The following PRKCE variants were observed in gnomAD, a reference collection of about 807,000 sequenced individuals.
The protein encoded by PRKCE is protein kinase C epsilon, also known as protein kinase C epsilon type.
PRKCE carries 16 observed loss-of-function variants against 85.4 expected under a neutral mutation model. The ratio of observed to expected loss-of-function variants is 0.19; its 90% CI spans 0.13 to 0.28. PRKCE has a LOEUF of 0.28. PRKCE is among the 10% of genes least tolerant of loss of function. PRKCE has a pLI of 1.00. For synonymous variants in PRKCE, 388 were observed against 371.5 expected, an observed-to-expected ratio of 1.04 and a Z score of -0.51; for missense variants, 573 against 975.2, an observed-to-expected ratio of 0.59 and a Z score of 5.49.
Position 46,086,316 on chromosome 2 carries a change from G to A in PRKCE, c.1546G>A (p.Val516Ile), listed in dbSNP as rs764641910. ...TCGTTCACGGTTCTATGCTGCAGAGGTCACATCGGCCCTCATGTTCCTCCA... is the reference window on the plus strand; with the variant it reads ...TCGTTCACGGTTCTATGCTGCAGAGATCACATCGGCCCTCATGTTCCTCCA... ...EPRSRFYAAE[V>I]TSALMFLHQH... The change falls in exon 11 of 15, where the codon GTC (valine) becomes ATC (isoleucine). Residue 516 changes from valine to isoleucine, a missense_variant. By Grantham distance (29) the Val-to-Ile change is conservative. Transcript: ENST00000306156. 1.9e-6 allele frequency: 3 copies of A among 1,599,644 alleles called. No homozygotes were observed. The South Asian group carries it at 3.3e-5, about 18-fold the overall frequency.
chr2:46,079,896 G>A (rs1278459504), intron 10 of PRKCE, among the ~76,000 whole-genome samples: 1 of 152,162 alleles, frequency 6.6e-6, no homozygotes, highest in African/African-American at 2.4e-5. Context: ...CAGCCAGTAG[G>A]TCATTATGAA....
intron 2 of PRKCE, among the ~76,000 whole-genome samples, chr2:45,854,422 C>T (rs1183611051): frequency 6.6e-6 from 1 of 152,174 alleles, no homozygotes; most frequent in African/African-American, 2.4e-5. Context: ...CTCAATAGCC[C>T]TGGGCACAAG....
In PRKCE at chr2:45,791,859, G is replaced by A. The variant is rs182012909; in HGVS notation, c.349-51141G>A. ...CCCCAGCTCTCTCAATGAGAATCCC[G>A]GTTCAAATACATTTGACCCACAGGA... On this transcript the variant is annotated intron_variant, in intron 1 of 14. Coordinates refer to ENST00000306156, the MANE Select transcript of PRKCE (RefSeq NM_005400.3). 2.4e-4 allele frequency among the ~76,000 whole-genome samples: 36 copies of A among 152,220 alleles called. 1 individual carries two copies. Among genetic ancestry groups the A allele is most frequent in the East Asian group, 3.9e-4 (2 of 5,166 alleles).
intron 14 of PRKCE, among the ~76,000 whole-genome samples, chr2:46,171,581 C>T (rs1678904593): frequency 6.6e-6 from 1 of 152,208 alleles, no homozygotes; most frequent in Admixed American, 6.5e-5. Context: ...AGTCCTGACC[C>T]CACCTCTTGC....
intron 14 of PRKCE, among the ~76,000 whole-genome samples, chr2:46,169,043 C>G (rs1039789911): frequency 4.4e-4 from 67 of 152,316 alleles, no homozygotes; most frequent in African/African-American, 1.4e-3. Flanking sequence ...GCTCAGCCCT[C>G]CAGCCAGAAT....
intron 2 of PRKCE, among the ~76,000 whole-genome samples, chr2:45,883,079 C>G (rs1694998831): frequency 6.6e-6 from 1 of 152,238 alleles, no homozygotes; most frequent in Non-Finnish European, 1.5e-5. Context: ...AAAAAGCCTT[C>G]TATCTTCAAA....
At chr2:45,942,058 G>T (rs1256421620) in intron 2 of PRKCE, among the ~76,000 whole-genome samples, 1 of 152,192 alleles carries the variant, frequency 6.6e-6, no homozygotes, top group Non-Finnish European at 1.5e-5. Context: ...TTATGAATTT[G>T]TTAGTTTGAA....
intron 1 of PRKCE, among the ~76,000 whole-genome samples, chr2:45,834,442 G>T (rs371305698): frequency 6.6e-6 from 1 of 152,120 alleles, no homozygotes; most frequent in South Asian, 2.1e-4. Context: ...TTTGTAAATG[G>T]GCGTAGAATA....
At position 46,159,608 on chromosome 2, in the gene PRKCE, C is replaced by T. The variant is rs372980744; in HGVS notation, c.1923C>T (p.Phe641=). The T allele has an allele frequency of 1.7e-5, 27 of 1,594,210 alleles. No homozygotes were observed. The highest frequency in any genetic ancestry group is 2.1e-5 in the Non-Finnish European group (25 of 1,177,366). ...SKEAVSILKA[F]MTKNPHKRLG... is the part of the protein sequence containing the mutation. ...CGACTCTGTCCTCATCCCTGCAGTTCATGACGAAGAATCCCCACAAGCGCC... is the reference window on the plus strand; with the variant it reads ...CGACTCTGTCCTCATCCCTGCAGTTTATGACGAAGAATCCCCACAAGCGCC... The change falls in exon 14 of 15, where the codon TTC becomes TTT. Residue 641 remains phenylalanine (F), a splice_region_variant and synonymous_variant. Coordinates refer to ENST00000306156, the MANE Select transcript of PRKCE (RefSeq NM_005400.3). The surrounding 1 kb of genome is among the most constrained non-coding windows in gnomAD (Gnocchi z 4.1).
chr2:46,111,199 T>G (rs62127481), intron 11 of PRKCE, among the ~76,000 whole-genome samples: 103,744 of 151,388 alleles, frequency 0.69, 36,471 homozygotes, highest in East Asian at 0.94. Context: ...AATTTATAAA[T>G]GTTAAGTTGA....
chr2:45,930,851 G>A (rs1298235468), intron 2 of PRKCE, among the ~76,000 whole-genome samples: 1 of 152,178 alleles, frequency 6.6e-6, no homozygotes, highest in East Asian at 1.9e-4. Context: ...CCCCCTAAGA[G>A]TTGGCTTTAG....
intron 2 of PRKCE, among the ~76,000 whole-genome samples, chr2:45,935,201 A>G (rs1416325481): frequency 6.6e-6 from 1 of 152,168 alleles, no homozygotes; most frequent in Non-Finnish European, 1.5e-5. Context: ...GAGTACATAT[A>G]TTTGTTTTTC....
In PRKCE at chr2:46,062,140, G is replaced by A. The variant is rs1667203520; in HGVS notation, c.1438-24068G>A. On this transcript the variant is annotated intron_variant, in intron 10 of 14. Coordinates refer to ENST00000306156, the MANE Select transcript of PRKCE (RefSeq NM_005400.3). The stretch of plus-strand genomic sequence containing the variant: ...GCCTCCCAAAGTGCTGGGATTACAG[G>A]CGTGAGCCACCACACCCAGCCTCAT... 2.0e-5 allele frequency among the ~76,000 whole-genome samples: 3 copies of A among 152,178 alleles called. No individual in the cohort carries two copies. In the South Asian group the frequency reaches 6.2e-4, roughly 32 times the overall value.
At chr2:45,749,589 G>T (rs1005870384) in intron 1 of PRKCE, among the ~76,000 whole-genome samples, 1 of 152,222 alleles carries the variant, frequency 6.6e-6, no homozygotes, top group African/African-American at 2.4e-5. Flanking sequence ...AATGTGGATT[G>T]CATGATTTTA....
chr2:45,744,426 TTTCTTTC>T, intron 1 of PRKCE, among the ~76,000 whole-genome samples: 1 of 22,474 alleles, frequency 4.4e-5, no homozygotes, highest in Non-Finnish European at 8.5e-5. Context: ...TCTTTCTTTC[TTTCTTTC>T]TTTCTTTCTT....
intron 1 of PRKCE, among the ~76,000 whole-genome samples, chr2:45,721,902 A>G (rs912488868): frequency 6.6e-6 from 1 of 151,742 alleles, no homozygotes. Context: ...AAAGAAACAT[A>G]AATGGGATTT....
intron 2 of PRKCE, among the ~76,000 whole-genome samples, chr2:45,945,191 T>TTATTGAGGCCG: frequency 6.6e-6 from 1 of 152,258 alleles, no homozygotes; most frequent in South Asian, 2.1e-4. Flanking sequence ...TATAAAGGAA[T>TTATTGAGGCCG]TATTGAGGCC....
At chr2:45,923,055 T>C (rs1041188750) in intron 2 of PRKCE, among the ~76,000 whole-genome samples, 5 of 152,192 alleles carry the variant, frequency 3.3e-5, no homozygotes, top group African/African-American at 7.2e-5. Context: ...AAGAAACAGA[T>C]ACTGAACCCT....
chr2:45,812,865 C>T (rs984943820), intron 1 of PRKCE, among the ~76,000 whole-genome samples: 26 of 152,282 alleles, frequency 1.7e-4, no homozygotes, highest in Middle Eastern at 3.4e-3. Context: ...TGTGAAACAA[C>T]ACACATTAGC....
Sources: allele counts gnomAD v4.1 joint callset (sites outside exome capture counted in the v4.1 genomes callset), GRCh38; gene constraint gnomAD v4.1.1; non-coding constraint Gnocchi (gnomAD v3.1); transcripts MANE v1.5; gene names NCBI Gene and HGNC (gene_info 2026-07-23, HGNC 2026-07-21).